ZZEF1: variants seen among roughly 807,000 people sequenced by gnomAD.
The protein encoded by ZZEF1 is zinc finger ZZ-type and EF-hand domain containing 1, also known as zinc finger ZZ-type and EF-hand domain-containing protein 1.
In ZZEF1, 157 loss-of-function variants were observed where a neutral mutation model predicts 342.8. The ratio of observed to expected loss-of-function variants is 0.46; its 90% CI spans 0.40 to 0.52. The LOEUF is 0.52. ZZEF1 is among the 20% of genes least tolerant of loss of function. ZZEF1 has a pLI of 0.00. For missense variants in ZZEF1, 3,480 were observed against 3,725.6 expected, an observed-to-expected ratio of 0.93 and a Z score of 1.72; for synonymous variants, 1,505 against 1,429.1, an observed-to-expected ratio of 1.05 and a Z score of -1.20.
At chr17:4,076,578 G>A in intron 21 of ZZEF1, 59 bp downstream of exon 21, 2 of 1,570,496 alleles carry the variant, frequency 1.3e-6, no homozygotes, top group Non-Finnish European at 1.7e-6. Flanking sequence ...ACTTCACTAA[G>A]TGTGTCCCAT....
chr17:4,012,588 C>T (rs2055992300), intron 52 of ZZEF1, among the ~76,000 whole-genome samples: 1 of 152,144 alleles, frequency 6.6e-6, no homozygotes, highest in South Asian at 2.1e-4. Context: ...GTCACTACCA[C>T]CTTCTCTCAC....
chr17:4,081,198 C>T (rs1022554107), intron 18 of ZZEF1, among the ~76,000 whole-genome samples, 178 bp downstream of exon 18: 21 of 152,262 alleles, frequency 1.4e-4, no homozygotes, highest in Admixed American at 3.9e-4. Context: ...GATTGTGCCA[C>T]TGCACCCCAG....
chr17:4,044,738 C>T (rs754413468), intron 37 of ZZEF1, among the ~76,000 whole-genome samples: 77 of 151,630 alleles, frequency 5.1e-4, no homozygotes, highest in Non-Finnish European at 9.6e-4. Flanking sequence ...AGGATGGTTT[C>T]GATCTCTTGA....
chr17:4,061,972 C>T (rs1395077649), intron 30 of ZZEF1, among the ~76,000 whole-genome samples: 1 of 152,164 alleles, frequency 6.6e-6, no homozygotes, highest in African/African-American at 2.4e-5. Context: ...TAAAAATCTC[C>T]AGTGGTTTCC....
chr17:4,054,850 G>A (rs2057123365), intron 33 of ZZEF1, among the ~76,000 whole-genome samples: 1 of 152,202 alleles, frequency 6.6e-6, no homozygotes, highest in Non-Finnish European at 1.5e-5. Context: ...GAACCCCATG[G>A]CACATTATAA....
intron 43 of ZZEF1, 36 bp from the exon 44 acceptor site, chr17:4,022,864 T>TG: frequency 6.2e-7 from 1 of 1,610,042 alleles, no homozygotes; most frequent in Non-Finnish European, 8.5e-7. Context: ...GTGACTGCCT[T>TG]GGAGTGAAGA....
intron 13 of ZZEF1, among the ~76,000 whole-genome samples, chr17:4,087,924 C>T (rs777892973): frequency 1.3e-5 from 2 of 152,100 alleles, no homozygotes; most frequent in Non-Finnish European, 2.9e-5. Context: ...ACGCCTTCCC[C>T]GTGCATGGAC....
At position 4,034,321 on chromosome 17, in the gene ZZEF1, A is replaced by C. The variant is rs746749083; in HGVS notation, c.6307-29T>G. Reference sequence around the variant, plus strand: ...CCAAGAGAGGGAGAGAAATCTGTTCAGTACAAAATCCACATAACCAAACTT... The same window carrying C: ...CCAAGAGAGGGAGAGAAATCTGTTCCGTACAAAATCCACATAACCAAACTT... On this transcript the variant is annotated intron_variant, in intron 39 of 54. Coordinates refer to ENST00000381638, the MANE Select transcript of ZZEF1 (RefSeq NM_015113.4). 3.1e-6 allele frequency: 5 copies of C among 1,611,072 alleles called. No homozygotes were observed. The South Asian group carries it at 4.4e-5, about 14-fold the overall frequency.
rs1037223434 is a variant in ZZEF1, at chr17:4,142,756, G to C, written c.140C>G (p.Ala47Gly). Residue 47 changes from alanine to glycine, a missense_variant, in exon 1 of 55, where the codon GCC becomes GGC. By Grantham distance (60) the Ala-to-Gly change is moderately conservative. This residue lies in a region of ZZEF1 where 416 missense variants were observed against 374.2 expected (regional missense o/e 1.11). Coordinates refer to ENST00000381638, the MANE Select transcript of ZZEF1 (RefSeq NM_015113.4). ...CCTGGCCGGCTCCAGCAGCGCCGCG[G>C]CGGGTGGTAGCGCTGGAGCCGCGAC... ...PGVAAPALPP[A>G]AALLEPARLR... The C allele has an allele frequency of 6.8e-7, 1 of 1,472,918 alleles. No individual in the cohort carries two copies. Among genetic ancestry groups the C allele is most frequent in the Non-Finnish European group, 8.9e-7 (1 of 1,119,196 alleles). 91.2% of individuals were successfully genotyped at this position (1,472,918 alleles called of 1,614,324 possible). A position where few individuals can be genotyped will look rare whatever the true frequency, so the allele number is the denominator to read the frequency against.
intron 14 of ZZEF1, 70 bp downstream of exon 14, chr17:4,087,364 C>T: frequency 1.6e-6 from 2 of 1,283,816 alleles, no homozygotes; most frequent in South Asian, 1.4e-5. Context: ...GGAAAAAAAT[C>T]CACTTAGAAT....
At position 4,060,587 on chromosome 17, in the gene ZZEF1, AC is replaced by A. The variant is rs2057265083; in HGVS notation, c.4884-1298del. Among the ~76,000 whole-genome samples the A allele has an allele frequency of 3.4e-5, 5 of 148,258 alleles. No homozygotes were observed. The East Asian group carries it at 9.9e-4, about 29-fold the overall frequency. ...CAAACAACAACAACAACAACAAAAA[AC>A]AAACAAAAAAAACACTCAACCCCCC... On this transcript the variant is annotated intron_variant, in intron 30 of 54. Transcript: ENST00000381638.
At chr17:4,057,911 T>A in intron 32 of ZZEF1, 83 bp downstream of exon 32, 1 of 1,401,372 alleles carries the variant, frequency 7.1e-7, no homozygotes, top group Non-Finnish European at 9.9e-7. Flanking sequence ...AGCTCCGGAG[T>A]CTGTGCTCTT....
intron 1 of ZZEF1, among the ~76,000 whole-genome samples, chr17:4,132,992 A>G (rs543728901): frequency 6.6e-6 from 1 of 151,818 alleles, no homozygotes; most frequent in Admixed American, 6.6e-5. Context: ...CAGGTGGGGG[A>G]AGAAGGAGGT....
At chr17:4,067,032 A>G in intron 27 of ZZEF1, 131 bp downstream of exon 27, 2 of 698,598 alleles carry the variant, frequency 2.9e-6, no homozygotes, top group Non-Finnish European at 4.7e-6. Flanking sequence ...ATATCTATTC[A>G]TGTCACTAAA....
chr17:4,117,075 G>T lies in ZZEF1; in HGVS notation c.591C>A (p.Ser197Arg), dbSNP rs1228910959. The part of the protein sequence containing the change: ...LRFLHRNRLS[S>R]AVMPYPMLEH... The stretch of plus-strand genomic sequence containing the variant: ...CCAGCATCGGGTAGGGCATCACCGC[G>T]CTGGAGAGCCGATTGCGGTGCAGGA... The change falls in exon 3 of 55, where the codon AGC becomes AGA. Residue 197 changes from serine (S) to arginine (R), a missense_variant. Transcript: ENST00000381638. 6.2e-7 allele frequency: 1 copy of T among 1,614,144 alleles called. No individual in the cohort carries two copies. Among genetic ancestry groups the T allele is most frequent in the Non-Finnish European group, 8.5e-7 (1 of 1,180,032 alleles).
At chr17:4,049,665 G>C (rs1441103159) in intron 37 of ZZEF1, 43 bp downstream of exon 37, 2 of 1,611,498 alleles carry the variant, frequency 1.2e-6, no homozygotes, top group Non-Finnish European at 1.7e-6. Context: ...GCTCTCTCTA[G>C]AGTTCAACCT....
rs759265730 is a variant in ZZEF1 at position 4,081,474 on chromosome 17, C to T, written c.2731G>A (p.Gly911Ser). 14 of 1,613,818 alleles carry T rather than the reference C, an allele frequency of 8.7e-6. No homozygotes were observed. Among genetic ancestry groups the T allele is most frequent in the Middle Eastern group, 1.6e-4 (1 of 6,066 alleles). ...TTCTTCTCAGGTAAAAGAAGAAGGCCGCCTGGATCCTTGTCACTGAAAGGA... is the reference window on the plus strand; with the variant it reads ...TTCTTCTCAGGTAAAAGAAGAAGGCTGCCTGGATCCTTGTCACTGAAAGGA... Reference protein sequence around the residue: ...CTYFSDKDPGGLLLLPEKNDL... With the variant: ...CTYFSDKDPGSLLLLPEKNDL... The change falls in exon 18 of 55, where the codon GGC becomes AGC. Residue 911 changes from glycine to serine, a missense_variant. Coordinates refer to ENST00000381638, the MANE Select transcript of ZZEF1 (RefSeq NM_015113.4).
Position 4,075,099 on chromosome 17 carries a change from T to C in ZZEF1, c.3481A>G (p.Lys1161Glu). The change falls in exon 23 of 55, where the codon AAG (lysine) becomes GAG (glutamate). Residue 1161 changes from lysine (K) to glutamate (E), a missense_variant and splice_region_variant. By Grantham distance (56) the Lys-to-Glu change is moderately conservative (BLOSUM62 1). Coordinates refer to ENST00000381638, the MANE Select transcript of ZZEF1 (RefSeq NM_015113.4). ...DTKVGTDKWPKKVTFKAGPRL... is the reference protein window; with the variant it reads ...DTKVGTDKWPEKVTFKAGPRL... Reference sequence around the variant, plus strand: ...CTCTTTCTGGGACTATCACTCACCTTGGGCCATTTATCAGTGCCAACTTTT... The same window carrying C: ...CTCTTTCTGGGACTATCACTCACCTCGGGCCATTTATCAGTGCCAACTTTT... 6.2e-7 allele frequency: 1 copy of C among 1,614,214 alleles called. No homozygotes were observed. Among genetic ancestry groups the C allele is most frequent in the South Asian group, 1.1e-5 (1 of 91,082 alleles).
rs988613939 is a variant in ZZEF1 at position 4,004,746 on chromosome 17, G to C, written c.*2144C>G. On this transcript the variant is annotated 3_prime_UTR_variant, in exon 55 of 55. Coordinates refer to ENST00000381638, the MANE Select transcript of ZZEF1 (RefSeq NM_015113.4). ...TTGCTCTGCGGGCTTCGCCTCCTCC[G>C]GGCCTGGGGCTCCTGGAAAGCGCCG... 1 of 152,264 alleles carries C rather than the reference G, an allele frequency of 6.6e-6. No individual in the cohort carries two copies. Among genetic ancestry groups the C allele is most frequent in the Non-Finnish European group, 1.5e-5 (1 of 68,056 alleles). The allele number at this position is 152,264 out of a possible 1,614,324, so 9.4% of individuals were successfully genotyped here.
Sources: gnomAD v4.1 joint callset for allele counts (sites outside exome capture counted in the v4.1 genomes callset) on GRCh38, gnomAD v4.1.1 for gene constraint, gnomAD v4.1.1 regional missense constraint, MANE v1.5 for transcripts, NCBI Gene and HGNC (gene_info 2026-07-23, HGNC 2026-07-21) for gene names.